The following ZNF276 variants were observed in gnomAD, a reference collection of about 807,000 sequenced individuals.
ZNF276 encodes centromere protein Z.
Under a neutral mutation model 63.9 loss-of-function variants are expected in ZNF276, and 59 were observed. The ratio of observed to expected loss-of-function variants is 0.92; its 90% CI spans 0.75 to 1.15. The LOEUF is 1.15. ZNF276 is among the 50% of genes most tolerant of loss of function. The probability of loss-of-function intolerance (pLI) is 0.00; values close to 1 mark genes in which losing one functional copy is unlikely to be tolerated. For missense variants in ZNF276, 1,084 were observed against 843.8 expected (o/e 1.28, Z -3.53); for synonymous variants, 496 against 348.4 (o/e 1.42, Z -4.72).
chr16:89,739,207 C>G lies in ZNF276; in HGVS notation c.*961C>G, dbSNP rs529210242. ...GTATCCCCAGCCACGAAGAGCTGGA[C>G]CAGCTTCAAGTACATGTCCACAGCA... is the stretch of plus-strand genomic sequence containing the variant. On this transcript the variant is annotated 3_prime_UTR_variant, in exon 11 of 11. Transcript: ENST00000443381. 26 of 1,614,142 alleles carry G rather than the reference C, an allele frequency of 1.6e-5. No homozygotes were observed. In the South Asian group the frequency reaches 2.5e-4, roughly 16 times the overall value.
chr16:89,730,405 A>C (rs542048628), intron 6 of ZNF276, among the ~76,000 whole-genome samples: 5 of 152,226 alleles, frequency 3.3e-5, no homozygotes, highest in African/African-American at 1.2e-4. Flanking sequence ...GCTGCCCAGA[A>C]GGTCTGGGGC....
intron 5 of ZNF276, among the ~76,000 whole-genome samples, chr16:89,729,008 G>C (rs1398868501): frequency 1.3e-5 from 2 of 152,260 alleles, no homozygotes; most frequent in Non-Finnish European, 2.9e-5. Context: ...CCAGTGTCCT[G>C]GTGCCCAGAG....
At chr16:89,729,573 G>A (rs1165692463) in intron 6 of ZNF276, among the ~76,000 whole-genome samples, 1 of 152,204 alleles carries the variant, frequency 6.6e-6, no homozygotes, top group Non-Finnish European at 1.5e-5. Context: ...CAGAGTCCCA[G>A]CAGTGGATGG....
At chr16:89,729,107 A>G in intron 5 of ZNF276, 128 bp from the exon 6 acceptor site, 2 of 765,066 alleles carry the variant, frequency 2.6e-6, no homozygotes. Context: ...TTTTAGATTT[A>G]AGACATTTTC....
chr16:89,723,215 G>T, intron 3 of ZNF276, 32 bp downstream of exon 3: 1 of 1,613,080 alleles, frequency 6.2e-7, no homozygotes, highest in African/African-American at 1.3e-5. Flanking sequence ...GGTGGGCTGG[G>T]TGCCGACCAG....
Position 89,739,774 on chromosome 16 carries a change from G to T in ZNF276, c.*1528G>T. The stretch of plus-strand genomic sequence containing the variant: ...GAGGGTGGGTGTGGTGCAGAGAGAG[G>T]CAGTCCCCATGATAGGCCCATTGGT... On this transcript the variant is annotated 3_prime_UTR_variant, in exon 11 of 11. Transcript: ENST00000443381. 1 of 1,474,296 alleles carries T rather than the reference G, an allele frequency of 6.8e-7. No homozygotes were observed. Among genetic ancestry groups the T allele is most frequent in the Non-Finnish European group, 9.0e-7 (1 of 1,116,372 alleles). The allele number at this position is 1,474,296 out of a possible 1,614,324, so 91.3% of individuals were successfully genotyped here. A position where few individuals can be genotyped will look rare whatever the true frequency, so the allele number is the denominator to read the frequency against.
intron 6 of ZNF276, 66 bp downstream of exon 6, chr16:89,729,384 C>T (rs2061572661): frequency 1.4e-6 from 2 of 1,413,414 alleles, no homozygotes; most frequent in Middle Eastern, 2.0e-4. Context: ...GCCTGTGCTC[C>T]AGGGCCTCTC....
intron 6 of ZNF276, among the ~76,000 whole-genome samples, chr16:89,731,092 G>A (rs2061632726): frequency 6.6e-6 from 1 of 152,234 alleles, no homozygotes; most frequent in Admixed American, 6.5e-5. Context: ...GAGGTGAGTG[G>A]TCATTGTGGG....
Position 89,740,807 on chromosome 16 carries a change from T to C in ZNF276, c.*2561T>C, listed in dbSNP as rs886052480. ...TGGCTGGTAAGGTCTGACTTACATTTGAGGTCAGATGTGACGACAGCAGGC... is the reference window on the plus strand; with the variant it reads ...TGGCTGGTAAGGTCTGACTTACATTCGAGGTCAGATGTGACGACAGCAGGC... On this transcript the variant is annotated 3_prime_UTR_variant, in exon 11 of 11. Transcript: ENST00000443381. 3.1e-6 allele frequency: 5 copies of C among 1,613,360 alleles called. No individual in the cohort carries two copies. The highest frequency in any genetic ancestry group is 4.2e-6 in the Non-Finnish European group (5 of 1,179,570).
At chr16:89,732,734 CT>C (rs1408692159) in intron 6 of ZNF276, 3 of 191,510 alleles carry the variant, frequency 1.6e-5, no homozygotes, top group Non-Finnish European at 3.3e-5. Flanking sequence ...CCGTTTGCCC[CT>C]GACCCTGCTG....
At position 89,740,690 on chromosome 16, in the gene ZNF276, A is replaced by G. The variant is rs2062110302; in HGVS notation, c.*2444A>G. The G allele has an allele frequency of 1.2e-6, 1 of 840,550 alleles. No individual in the cohort carries two copies. The allele number at this position is 840,550 out of a possible 1,614,324, so 52.1% of individuals were successfully genotyped here. A position where few individuals can be genotyped will look rare whatever the true frequency, so the allele number is the denominator to read the frequency against. ...GGGAGTTCTCACTCACACTTCCGCA[A>G]ACACAAGGAGCTCCTGAGCTAGTCT... On this transcript the variant is annotated 3_prime_UTR_variant, in exon 11 of 11. Transcript: ENST00000443381.
chr16:89,727,083 C>G (rs2061492714), intron 4 of ZNF276, among the ~76,000 whole-genome samples, 196 bp from the exon 5 acceptor site: 2 of 152,212 alleles, frequency 1.3e-5, no homozygotes, highest in East Asian at 3.8e-4. Flanking sequence ...CTGTGTGCTT[C>G]TGGACGTTGG....
At chr16:89,736,938 A>C (rs1323902750) in intron 9 of ZNF276, among the ~76,000 whole-genome samples, 8 of 152,098 alleles carry the variant, frequency 5.3e-5, no homozygotes, top group African/African-American at 1.9e-4. Context: ...TAAAATGCCA[A>C]GATAGGGTTT....
At chr16:89,728,202 CT>C (rs71389418) in intron 5 of ZNF276, among the ~76,000 whole-genome samples, 27,867 of 124,850 alleles carry the variant, frequency 0.22, 2,822 homozygotes, top group Middle Eastern at 0.35. Context: ...GGCCACAAAT[CT>C]TTTTTTTTTT....
chr16:89,737,700 T>C (rs2061985466), intron 9 of ZNF276, 106 bp from the exon 10 acceptor site: 2 of 1,578,466 alleles, frequency 1.3e-6, no homozygotes, highest in African/African-American at 2.7e-5. Context: ...TGGTGAACCA[T>C]GTGCAGAAAT....
rs2061340544 is a variant in ZNF276, at chr16:89,722,831, C to G, written c.506C>G (p.Ala169Gly). The G allele has an allele frequency of 6.2e-7, 1 of 1,601,182 alleles. No homozygotes were observed. The highest frequency in any genetic ancestry group is 1.3e-5 in the African/African-American group (1 of 74,912). ...ASPAGRRKPC[A>G]KVGAQPPTGA... ...CCGGCTGGTCGCCGGAAGCCTTGTG[C>G]AAAGTACGCCCTAGTCTGTTCAGAG... The change falls in exon 2 of 11, where the codon GCA (alanine) becomes GGA (glycine). Residue 169 changes from alanine (A) to glycine (G), a missense_variant. Transcript: ENST00000443381.
Position 89,737,967 on chromosome 16 carries a change from G to C in ZNF276, c.1575-9G>C, listed in dbSNP as rs1311274808. 3 of 1,614,098 alleles carry C rather than the reference G, an allele frequency of 1.9e-6. No homozygotes were observed. The highest frequency in any genetic ancestry group is 2.5e-6 in the Non-Finnish European group (3 of 1,179,990). ...CCCTCGCACCTTCTTATCTGCCTCT[G>C]TCCCCCAGGTGTGAGGTCTGTGGGT... On this transcript the variant is annotated splice_polypyrimidine_tract_variant and intron_variant, in intron 10 of 10. Transcript: ENST00000443381.
Position 89,740,411 on chromosome 16 carries a change from C to T in ZNF276, c.*2165C>T, listed in dbSNP as rs916681089. 2.4e-5 allele frequency: 11 copies of T among 466,950 alleles called. No individual in the cohort carries two copies. The highest frequency in any genetic ancestry group is 7.8e-5 in the East Asian group (2 of 25,568). 28.9% of individuals were successfully genotyped at this position (466,950 alleles called of 1,614,324 possible). A position where few individuals can be genotyped will look rare whatever the true frequency, so the allele number is the denominator to read the frequency against. On this transcript the variant is annotated 3_prime_UTR_variant, in exon 11 of 11. Transcript: ENST00000443381. Reference sequence around the variant, plus strand: ...TCCCAACACTTTGGGAGGCCGAGGTCGGCGGATCACTGAGGCCAGTTCAAG... The same window carrying T: ...TCCCAACACTTTGGGAGGCCGAGGTTGGCGGATCACTGAGGCCAGTTCAAG...
Position 89,721,705 on chromosome 16 carries a change from ACGG to A in ZNF276, c.77_79del (p.Gly26del), listed in dbSNP as rs1042863999. 29 of 1,376,372 alleles carry A rather than the reference ACGG, an allele frequency of 2.1e-5. No homozygotes were observed. Among genetic ancestry groups the A allele is most frequent in the South Asian group, 4.7e-5 (3 of 64,202 alleles). The allele number at this position is 1,376,372 out of a possible 1,614,324, so 85.3% of individuals were successfully genotyped here. A position where few individuals can be genotyped will look rare whatever the true frequency, so the allele number is the denominator to read the frequency against. ...TCGTCCCGACAGTGCGGGGCCTCGG[ACGG>A]CGGCGGCGGCGTCAGCCGGACTCGG... On this transcript the variant is annotated inframe_deletion, in exon 1 of 11. Coordinates refer to ENST00000443381, the MANE Select transcript of ZNF276 (RefSeq NM_001113525.2).
Sources: gnomAD v4.1 joint callset for allele counts (sites outside exome capture counted in the v4.1 genomes callset) on GRCh38, gnomAD v4.1.1 for gene constraint, MANE v1.5 for transcripts, NCBI Gene and HGNC (gene_info 2026-07-23, HGNC 2026-07-21) for gene names.